RGS17: variants seen among roughly 807,000 people sequenced by gnomAD.
RGS17 encodes regulator of G protein signaling 17.
RGS17 carries 12 observed loss-of-function variants against 25.5 expected under a neutral mutation model. The ratio of observed to expected loss-of-function variants is 0.47; its 90% CI spans 0.30 to 0.76. The LOEUF (loss-of-function observed/expected upper bound fraction) is 0.76, where lower values mean the gene tolerates loss of function less well. Ranked by LOEUF, RGS17 falls within the 30% of genes least tolerant of loss-of-function variation. The pLI, the probability that RGS17 is intolerant of heterozygous loss-of-function variation, is 0.07. For synonymous variants in RGS17, 71 were observed against 76.9 expected (o/e 0.92, Z 0.40); for missense variants, 196 against 242.2 (o/e 0.81, Z 1.27).
rs926809602 is a variant in RGS17 at position 153,008,667 on chromosome 6, G to A, written c.*2907C>T. The stretch of plus-strand genomic sequence containing the variant: ...CTGTGTGCATCAGCAAATTCTAATA[G>A]TATACAAAGATACCTTGGCAATTGA... On this transcript the variant is annotated 3_prime_UTR_variant, in exon 5 of 5. Transcript: ENST00000206262. 1.3e-5 allele frequency: 2 copies of A among 152,156 alleles called. No homozygotes were observed. The highest frequency in any genetic ancestry group is 2.9e-5 in the Non-Finnish European group (2 of 68,020). 9.4% of individuals were successfully genotyped at this position (152,156 alleles called of 1,614,324 possible).
At chr6:153,125,760 C>T (rs771768352) in intron 1 of RGS17, among the ~76,000 whole-genome samples, 1 of 152,108 alleles carries the variant, frequency 6.6e-6, no homozygotes, top group Non-Finnish European at 1.5e-5. Context: ...GGCAAGATCA[C>T]CTGAGCCCAG....
chr6:153,025,621 AG>A (rs1021634010), intron 3 of RGS17, among the ~76,000 whole-genome samples: 1 of 147,710 alleles, frequency 6.8e-6, no homozygotes, highest in African/African-American at 2.5e-5. Flanking sequence ...TGGCCAAAGA[AG>A]TATGTTTATA....
chr6:153,070,700 T>TATAC (rs1776778499), intron 1 of RGS17, among the ~76,000 whole-genome samples: 5 of 116,340 alleles, frequency 4.3e-5, no homozygotes, highest in African/African-American at 1.5e-4. Flanking sequence ...TGTGTGTGTG[T>TATAC]GTATATACAT....
chr6:153,065,553 A>G (rs1413063850), intron 1 of RGS17, among the ~76,000 whole-genome samples: 1 of 152,246 alleles, frequency 6.6e-6, no homozygotes, highest in Non-Finnish European at 1.5e-5. Flanking sequence ...GTCTTAAAAC[A>G]TTAAAAAACT....
intron 1 of RGS17, among the ~76,000 whole-genome samples, chr6:153,085,979 A>C (rs1411457111): frequency 1.3e-5 from 2 of 152,146 alleles, no homozygotes; most frequent in Non-Finnish European, 2.9e-5. Context: ...AGTTCTTGGG[A>C]GTTCATGGGA....
intron 1 of RGS17, among the ~76,000 whole-genome samples, chr6:153,051,359 T>G (rs940209502): frequency 3.3e-5 from 5 of 152,214 alleles, no homozygotes; most frequent in African/African-American, 1.2e-4. Context: ...TAGAGAAAGC[T>G]TCCATCTTCT....
intron 1 of RGS17, among the ~76,000 whole-genome samples, chr6:153,122,518 C>T (rs895914009): frequency 6.6e-6 from 1 of 152,046 alleles, no homozygotes; most frequent in Non-Finnish European, 1.5e-5. Flanking sequence ...ATGAAGAAAA[C>T]ATGGACTCCA....
At chr6:153,106,329 C>A (rs1777383513) in intron 1 of RGS17, among the ~76,000 whole-genome samples, 1 of 151,814 alleles carries the variant, frequency 6.6e-6, no homozygotes, top group South Asian at 2.1e-4. Flanking sequence ...ATGGTTGGGA[C>A]TTAGAAAAGT....
At chr6:153,013,867 T>C (rs1779157578) in intron 4 of RGS17, among the ~76,000 whole-genome samples, 1 of 152,180 alleles carries the variant, frequency 6.6e-6, no homozygotes, top group African/African-American at 2.4e-5. Context: ...CAGATGTTGG[T>C]TCATGAGGTG....
At chr6:153,115,739 G>A (rs1777534692) in intron 1 of RGS17, among the ~76,000 whole-genome samples, 1 of 152,018 alleles carries the variant, frequency 6.6e-6, no homozygotes, top group African/African-American at 2.4e-5. Flanking sequence ...ATAGAGCAAT[G>A]GAACAGAACA....
At chr6:153,074,912 G>A (rs12201994) in intron 1 of RGS17, among the ~76,000 whole-genome samples, 12,181 of 152,114 alleles carry the variant, frequency 0.08, 548 homozygotes, top group African/African-American at 0.1. Context: ...ACACTTTTAC[G>A]AAAGACTTGG....
At chr6:153,014,628 C>G (rs1478472362) in intron 4 of RGS17, among the ~76,000 whole-genome samples, 1 of 152,076 alleles carries the variant, frequency 6.6e-6, no homozygotes, top group Non-Finnish European at 1.5e-5. Context: ...GAAAACCCGT[C>G]TCTACTAAAA....
intron 1 of RGS17, among the ~76,000 whole-genome samples, chr6:153,070,938 CAT>C (rs563745361): frequency 6.7e-4 from 100 of 149,878 alleles, no homozygotes; most frequent in African/African-American, 2.2e-3. Flanking sequence ...TGTACATGCA[CAT>C]GTGTATATCT....
intron 1 of RGS17, among the ~76,000 whole-genome samples, chr6:153,059,299 C>T (rs1338065): frequency 0.38 from 58,379 of 152,012 alleles, 11,893 homozygotes; most frequent in East Asian, 0.62. Flanking sequence ...AAGCATTATT[C>T]GACAGAGCTG....
Position 153,014,563 on chromosome 6 carries a change from C to T in RGS17, c.445-2801G>A, listed in dbSNP as rs138344460. Among the ~76,000 whole-genome samples the T allele has an allele frequency of 8.4e-3, 1,274 of 152,252 alleles. 17 individuals are homozygous for T. Among genetic ancestry groups the T allele is most frequent in the African/African-American group, 0.029 (1,215 of 41,524 alleles). Reference sequence around the variant, plus strand: ...CCTGTAATCCCAGCACTTTGGGAGGCTGAAGTGGGTGGATCACGAGGTTAG... The same window carrying T: ...CCTGTAATCCCAGCACTTTGGGAGGTTGAAGTGGGTGGATCACGAGGTTAG... On this transcript the variant is annotated intron_variant, in intron 4 of 4. Coordinates refer to ENST00000206262, the MANE Select transcript of RGS17 (RefSeq NM_012419.5).
chr6:153,055,303 A>G (rs1395930681), intron 1 of RGS17, among the ~76,000 whole-genome samples: 1 of 152,200 alleles, frequency 6.6e-6, no homozygotes, highest in Non-Finnish European at 1.5e-5. Context: ...ACCAATTCTA[A>G]TTTTTTAAGC....
chr6:153,124,810 A>G (rs770769013), intron 1 of RGS17, among the ~76,000 whole-genome samples: 10 of 152,182 alleles, frequency 6.6e-5, no homozygotes, highest in Non-Finnish European at 1.3e-4. Context: ...ACTTTCAAAT[A>G]TTTGTTGAGT....
At chr6:153,028,209 G>T (rs1281475882) in intron 2 of RGS17, among the ~76,000 whole-genome samples, 3 of 152,130 alleles carry the variant, frequency 2.0e-5, no homozygotes, top group Non-Finnish European at 4.4e-5. Context: ...CATTTCTAGG[G>T]ACAGGGGCAG....
chr6:153,119,015 T>C (rs144019725), intron 1 of RGS17, among the ~76,000 whole-genome samples: 1 of 152,232 alleles, frequency 6.6e-6, no homozygotes, highest in African/African-American at 2.4e-5. Context: ...CATGTATACA[T>C]GTATGTATGC....
Sources: allele counts gnomAD v4.1 joint callset (sites outside exome capture counted in the v4.1 genomes callset), GRCh38; gene constraint gnomAD v4.1.1; transcripts MANE v1.5; gene names NCBI Gene and HGNC (gene_info 2026-07-23, HGNC 2026-07-21).